Variants in CNTNAP2 observed in about 807,000 individuals in gnomAD.
CNTNAP2 encodes the protein contactin associated protein 2, also known as contactin-associated protein-like 2.
Under a neutral mutation model 155.2 loss-of-function variants are expected in CNTNAP2, and 98 were observed. That is an observed-to-expected ratio of 0.63 (90% CI 0.54 to 0.75). The LOEUF (loss-of-function observed/expected upper bound fraction) is 0.75, where lower values mean the gene tolerates loss of function less well. Among genes scored for constraint, CNTNAP2 ranks in the 30% least tolerant of loss-of-function variants. The probability of loss-of-function intolerance (pLI) is 0.00; values close to 1 mark genes in which losing one functional copy is unlikely to be tolerated. For synonymous variants in CNTNAP2, 651 were observed against 631.2 expected, an observed-to-expected ratio of 1.03 and a Z score of -0.47; for missense variants, 1,727 against 1,688.1, an observed-to-expected ratio of 1.02 and a Z score of -0.40.
At chr7:146,246,176 A>AG (rs1428841634) in intron 1 of CNTNAP2, among the ~76,000 whole-genome samples, 4 of 151,614 alleles carry the variant, frequency 2.6e-5, no homozygotes, top group Non-Finnish European at 4.4e-5. Context: ...TGAGATGGTA[A>AG]GGGGTGCATG....
At chr7:146,912,016 A>G (rs1193597975) in intron 3 of CNTNAP2, among the ~76,000 whole-genome samples, 3 of 151,940 alleles carry the variant, frequency 2.0e-5, no homozygotes, top group Non-Finnish European at 4.4e-5. Flanking sequence ...TGAAATAAAT[A>G]TTTGCATGTG....
intron 1 of CNTNAP2, among the ~76,000 whole-genome samples, chr7:146,747,773 G>A (rs535549034): frequency 6.6e-6 from 1 of 151,998 alleles, no homozygotes; most frequent in Non-Finnish European, 1.5e-5. Flanking sequence ...TTTCTCCCAG[G>A]CAAGTCCTTA....
chr7:146,690,279 G>A (rs1800675070), intron 1 of CNTNAP2, among the ~76,000 whole-genome samples: 1 of 152,078 alleles, frequency 6.6e-6, no homozygotes, highest in South Asian at 2.1e-4. Context: ...ACATAAAGAG[G>A]AGACATACGT....
chr7:146,506,054 C>T (rs1034665788), intron 1 of CNTNAP2, among the ~76,000 whole-genome samples: 12 of 152,174 alleles, frequency 7.9e-5, no homozygotes, highest in Admixed American at 1.3e-4. Context: ...CACTGTTGTA[C>T]GTGCTATCCA....
At chr7:146,126,242 A>C (rs890489941) in intron 1 of CNTNAP2, among the ~76,000 whole-genome samples, 16 of 152,198 alleles carry the variant, frequency 1.1e-4, no homozygotes, top group Non-Finnish European at 2.1e-4. Context: ...GCAACATTTT[A>C]AGGCTTGATT....
intron 13 of CNTNAP2, among the ~76,000 whole-genome samples, chr7:147,669,104 C>T (rs1414833770): frequency 6.6e-6 from 1 of 152,108 alleles, no homozygotes; most frequent in Admixed American, 6.5e-5. Context: ...TAGGCTATAC[C>T]ATATAGCCTA....
chr7:148,093,884 G>C (rs565119399), intron 15 of CNTNAP2, among the ~76,000 whole-genome samples: 1 of 152,186 alleles, frequency 6.6e-6, no homozygotes, highest in East Asian at 1.9e-4. Context: ...AACCTCCCAA[G>C]ATGCTGTAAC....
intron 4 of CNTNAP2, among the ~76,000 whole-genome samples, chr7:147,046,545 A>G (rs761421487): frequency 9.2e-5 from 14 of 152,220 alleles, no homozygotes; most frequent in South Asian, 6.2e-4. Flanking sequence ...GATGTTGGCT[A>G]TTTATACAGA....
At chr7:147,342,530 T>C (rs1265351516) in intron 9 of CNTNAP2, among the ~76,000 whole-genome samples, 3 of 152,216 alleles carry the variant, frequency 2.0e-5, no homozygotes, top group African/African-American at 4.8e-5. Context: ...CTTCTATTTA[T>C]ATTTGGTTGT....
intron 14 of CNTNAP2, among the ~76,000 whole-genome samples, chr7:147,977,235 T>C (rs1245276383): frequency 1.3e-5 from 2 of 152,112 alleles, no homozygotes; most frequent in Non-Finnish European, 2.9e-5. Flanking sequence ...AAGATAAATA[T>C]AGAGTCAACA....
chr7:146,738,519 C>T (rs966269699), intron 1 of CNTNAP2, among the ~76,000 whole-genome samples: 4 of 151,740 alleles, frequency 2.6e-5, no homozygotes, highest in Admixed American at 6.6e-5. Context: ...ATGTTTCATG[C>T]GTTCCCATTT....
intron 12 of CNTNAP2, among the ~76,000 whole-genome samples, chr7:147,609,780 A>C (rs1156877727): frequency 1.3e-5 from 2 of 152,132 alleles, no homozygotes; most frequent in Admixed American, 1.3e-4. Context: ...GGAGGACATC[A>C]CTGGAGAGAA....
intron 18 of CNTNAP2, among the ~76,000 whole-genome samples, chr7:148,189,438 A>G (rs1179950424): frequency 6.6e-6 from 1 of 152,192 alleles, no homozygotes; most frequent in Non-Finnish European, 1.5e-5. Context: ...ATAAAAGGGC[A>G]GTTCCTTTTA....
intron 3 of CNTNAP2, among the ~76,000 whole-genome samples, chr7:146,981,302 G>T (rs745552714): frequency 7.2e-5 from 11 of 152,164 alleles, no homozygotes; most frequent in Non-Finnish European, 1.5e-4. Context: ...AGATATTTCT[G>T]ATTTATTCGT....
chr7:147,707,387 G>A lies in CNTNAP2; in HGVS notation c.2098+68081G>A, dbSNP rs1172067338. Among the ~76,000 whole-genome samples the A allele has an allele frequency of 3.9e-5, 6 of 152,226 alleles. No individual in the cohort carries two copies. In the South Asian group the frequency reaches 1.2e-3, roughly 32 times the overall value. On this transcript the variant is annotated intron_variant, in intron 13 of 23. Transcript: ENST00000361727. The stretch of plus-strand genomic sequence containing the variant: ...TGTGTGATTTATTTGGCTGTAAATA[G>A]TATCAGTGGTGTCAGTGATTTCCTC...
chr7:148,176,756 T>C (rs1794945411), intron 18 of CNTNAP2, among the ~76,000 whole-genome samples: 1 of 152,122 alleles, frequency 6.6e-6, no homozygotes, highest in African/African-American at 2.4e-5. Flanking sequence ...GAGGAGCAGT[T>C]TAACTCAGTG....
rs140434667 is a variant in CNTNAP2 at position 146,856,309 on chromosome 7, C to G, written c.402+16405C>G. Among the ~76,000 whole-genome samples the G allele has an allele frequency of 4.0e-3, 567 of 142,984 alleles. 1 individual carries two copies. Among genetic ancestry groups the G allele is most frequent in the Non-Finnish European group, 5.7e-3 (369 of 64,854 alleles). 93.8% of individuals were successfully genotyped at this position (142,984 alleles called of 152,430 possible). A position where few individuals can be genotyped will look rare whatever the true frequency, so the allele number is the denominator to read the frequency against. ...AGATAGATAGATAGATACATACATA[C>G]ATACATACATACATACATACATACA... On this transcript the variant is annotated intron_variant, in intron 3 of 23. Transcript: ENST00000361727.
intron 8 of CNTNAP2, among the ~76,000 whole-genome samples, chr7:147,234,363 A>T (rs1418654380): frequency 5.6e-5 from 7 of 125,620 alleles, no homozygotes; most frequent in Middle Eastern, 4.8e-3. Flanking sequence ...TTTGAGAAGA[A>T]GTCTTGCTCT....
intron 14 of CNTNAP2, among the ~76,000 whole-genome samples, chr7:147,975,680 A>G (rs146735385): frequency 1.2e-4 from 19 of 152,248 alleles, no homozygotes; most frequent in Non-Finnish European, 2.4e-4. Context: ...TTTATTTCTC[A>G]CTGTTACAAT....
Sources: gnomAD v4.1 joint callset for allele counts (sites outside exome capture counted in the v4.1 genomes callset) on GRCh38, gnomAD v4.1.1 for gene constraint, MANE v1.5 for transcripts, NCBI Gene and HGNC (gene_info 2026-07-23, HGNC 2026-07-21) for gene names.